The following ZCRB1 variants were observed in gnomAD, a reference collection of about 807,000 sequenced individuals.
The protein encoded by ZCRB1 is zinc finger CCHC-type and RNA-binding motif-containing protein 1.
A neutral mutation model predicts 29.9 loss-of-function variants in ZCRB1; 21 were observed. That is an observed-to-expected ratio of 0.70 (90% CI 0.50 to 1.01). The LOEUF (loss-of-function observed/expected upper bound fraction) is 1.01. Ranked by LOEUF, ZCRB1 falls within the 50% of genes least tolerant of loss-of-function variation. The probability of loss-of-function intolerance (pLI) is 0.00; values close to 1 mark genes in which losing one functional copy is unlikely to be tolerated. For missense variants in ZCRB1, 204 were observed against 253.3 expected, an observed-to-expected ratio of 0.81 and a Z score of 1.32; for synonymous variants, 77 against 80.0, an observed-to-expected ratio of 0.96 and a Z score of 0.20.
chr12:42,314,594 A>G (rs1290522582), intron 5 of ZCRB1, among the ~76,000 whole-genome samples: 1 of 109,446 alleles, frequency 9.1e-6, no homozygotes, highest in Non-Finnish European at 2.0e-5. Flanking sequence ...AAAAAAAAAA[A>G]TCAAAATTTA....
Position 42,317,349 on chromosome 12 carries a change from A to C in ZCRB1, c.324T>G (p.Tyr108Ter), listed in dbSNP as rs773607372. The C allele has an allele frequency of 6.2e-7, 1 of 1,608,490 alleles. No individual in the cohort carries two copies. Among genetic ancestry groups the C allele is most frequent in the Non-Finnish European group, 8.5e-7 (1 of 1,178,066 alleles). Residue 108 changes from tyrosine (Y) to a stop codon, truncating the protein, a stop_gained, in exon 5 of 8, where the codon TAT becomes TAG. Transcript: ENST00000266529. LOFTEE classifies it high-confidence loss of function. ...RRNYFDKSKC[Y>*]ECGESGHLSY... ...TTTTAGGTTTACTTACCCCACATTC[A>C]TAACACTTAGATTTATCAAAGTAGT...
At position 42,313,125 on chromosome 12, in the gene ZCRB1, C is replaced by T; in HGVS notation, c.596G>A (p.Arg199Lys). ...TGTGCTTTTCTTTATCCTTGGGCGT[C>T]TTGAATCATCTGATGTTGAGGGGAC... Reference protein sequence around the residue: ...SGVPSTSDDSRRPRIKKSTYF... With the variant: ...SGVPSTSDDSKRPRIKKSTYF... Residue 199 changes from arginine (R) to lysine (K), a missense_variant, in exon 8 of 8, where the codon AGA becomes AAA. Arg to Lys is a conservative substitution (Grantham distance 26). Transcript: ENST00000266529. The T allele has an allele frequency of 2.5e-6, 4 of 1,612,366 alleles. No homozygotes were observed. Among genetic ancestry groups the T allele is most frequent in the Non-Finnish European group, 3.4e-6 (4 of 1,179,208 alleles).
intron 3 of ZCRB1, 85 bp from the exon 4 acceptor site, chr12:42,317,983 C>A: frequency 9.5e-7 from 1 of 1,050,756 alleles, no homozygotes; most frequent in East Asian, 2.5e-5. Flanking sequence ...TTAAAAAGGG[C>A]TAAAAATTTA....
At chr12:42,316,816 G>T (rs570520358) in intron 5 of ZCRB1, among the ~76,000 whole-genome samples, 88 of 152,282 alleles carry the variant, frequency 5.8e-4, no homozygotes, top group Non-Finnish European at 4.4e-5. Flanking sequence ...GATTTTCAAA[G>T]ATTTAGGAAC....
chr12:42,318,455 C>T (rs987976306), intron 3 of ZCRB1, among the ~76,000 whole-genome samples: 13 of 151,918 alleles, frequency 8.6e-5, no homozygotes, highest in Admixed American at 6.6e-4. Flanking sequence ...ATAATGAGAC[C>T]CCGATCTTTA....
intron 5 of ZCRB1, among the ~76,000 whole-genome samples, chr12:42,316,707 TAAAG>T (rs1565692153): frequency 1.3e-5 from 2 of 152,278 alleles, no homozygotes; most frequent in South Asian, 2.1e-4. Context: ...TAAAAACTGT[TAAAG>T]AAACAGGCAA....
In ZCRB1 at chr12:42,317,798, T is replaced by G. The variant is rs2068601843; in HGVS notation, c.214A>C (p.Asn72His). 7.4e-6 allele frequency: 12 copies of G among 1,612,830 alleles called. No homozygotes were observed. The highest frequency in any genetic ancestry group is 1.0e-5 in the Non-Finnish European group (12 of 1,179,780). The change falls in exon 4 of 8, where the codon AAC (asparagine) becomes CAC (histidine). Residue 72 changes from asparagine to histidine, a missense_variant. Asn to His is a moderately conservative substitution (Grantham distance 68). Transcript: ENST00000266529. ...DSAQNCTRAI[N>H]NKQLFGRVIK... ...GATGAATAGCTTACCTGTTTGTTGT[T>G]TATTGCCCTGGTACAGTTTTGTGCA...
At chr12:42,322,082 GTTAC>G (rs1212104428) in intron 3 of ZCRB1, among the ~76,000 whole-genome samples, 4 of 151,974 alleles carry the variant, frequency 2.6e-5, no homozygotes, top group East Asian at 1.9e-4. Context: ...TTGAAAGTAG[GTTAC>G]TTATAGTATA....
At chr12:42,323,931 A>G in intron 2 of ZCRB1, 88 bp downstream of exon 2, 1 of 1,266,454 alleles carries the variant, frequency 7.9e-7, no homozygotes, top group Non-Finnish European at 1.1e-6. Flanking sequence ...AGAAAAAAAA[A>G]AAAAGGAAAA....
chr12:42,315,336 G>A (rs1446541510), intron 5 of ZCRB1, among the ~76,000 whole-genome samples: 1 of 152,138 alleles, frequency 6.6e-6, no homozygotes, highest in Non-Finnish European at 1.5e-5. Flanking sequence ...ACTGAGCCAA[G>A]GTTAGAACAA....
intron 2 of ZCRB1, chr12:42,323,697 C>A (rs12231113): frequency 1.6e-5 from 4 of 245,692 alleles, no homozygotes; most frequent in Non-Finnish European, 3.1e-5. Context: ...AGTGGTGTGA[C>A]CTTGGCTCAC....
At chr12:42,324,307 C>G (rs1379839101) in intron 1 of ZCRB1, among the ~76,000 whole-genome samples, 1 of 152,152 alleles carries the variant, frequency 6.6e-6, no homozygotes, top group Non-Finnish European at 1.5e-5. Context: ...CACTACCATG[C>G]CTGGCTAATT....
At position 42,313,730 on chromosome 12, in the gene ZCRB1, T is replaced by TCCTC. The variant is rs758076035; in HGVS notation, c.478_481dup (p.Asp161GlyfsTer6). 6.8e-6 allele frequency: 11 copies of TCCTC among 1,613,958 alleles called. No homozygotes were observed. Among genetic ancestry groups the TCCTC allele is most frequent in the Non-Finnish European group, 8.5e-6 (10 of 1,179,952 alleles). ...CTGACTGAGGCTGTCAAGAGCAGGATCCTCCCCTTCATCTTCACTTTCTTC... is the reference window on the plus strand; with the variant it reads ...CTGACTGAGGCTGTCAAGAGCAGGATCCTCCCTCCCCTTCATCTTCACTTTCTTC... On this transcript the variant is annotated frameshift_variant, in exon 7 of 8. Coordinates refer to ENST00000266529, the MANE Select transcript of ZCRB1 (RefSeq NM_033114.4). LOFTEE classifies it high-confidence loss of function.
chr12:42,314,582 C>CA (rs112388905), intron 5 of ZCRB1, among the ~76,000 whole-genome samples: 22,004 of 129,318 alleles, frequency 0.17, 2,648 homozygotes, highest in African/African-American at 0.36. Context: ...AACTCCGTCT[C>CA]AAAAAAAAAA....
At chr12:42,322,686 A>C (rs950709228) in intron 2 of ZCRB1, among the ~76,000 whole-genome samples, 8 of 152,190 alleles carry the variant, frequency 5.3e-5, no homozygotes, top group Admixed American at 2.6e-4. Flanking sequence ...CAGAGAAAAA[A>C]ACTCACTCTA....
chr12:42,324,157 TTG>T, intron 1 of ZCRB1, 53 bp from the exon 2 acceptor site: 9 of 1,516,484 alleles, frequency 5.9e-6, no homozygotes, highest in East Asian at 2.3e-5. Flanking sequence ...GATTCTTTTT[TTG>T]TTGTTTGAGA....
Position 42,317,906 on chromosome 12 carries a change from C to T in ZCRB1, c.114-8G>A, listed in dbSNP as rs1362833282. The T allele has an allele frequency of 5.0e-6, 8 of 1,600,308 alleles. No homozygotes were observed. Among genetic ancestry groups the T allele is most frequent in the Non-Finnish European group, 6.0e-6 (7 of 1,172,774 alleles). On this transcript the variant is annotated splice_region_variant and splice_polypyrimidine_tract_variant and intron_variant, in intron 3 of 7. Transcript: ENST00000266529. ...TCTTTCATGATGGTAACCCTTAAAG[C>T]ATAAACAAAGAGTTAAAAATGAGGC...
At chr12:42,320,161 A>C (rs922161815) in intron 3 of ZCRB1, among the ~76,000 whole-genome samples, 3 of 152,244 alleles carry the variant, frequency 2.0e-5, no homozygotes, top group African/African-American at 4.8e-5. Context: ...GTACTTATTT[A>C]AGCACATAAT....
At chr12:42,322,020 G>A (rs1020221978) in intron 3 of ZCRB1, among the ~76,000 whole-genome samples, 4 of 151,782 alleles carry the variant, frequency 2.6e-5, no homozygotes, top group Non-Finnish European at 5.9e-5. Context: ...TGAAATATTT[G>A]TTTTTACACT....
Sources: gnomAD v4.1 joint callset for allele counts (sites outside exome capture counted in the v4.1 genomes callset) on GRCh38, gnomAD v4.1.1 for gene constraint, MANE v1.5 for transcripts, NCBI Gene and HGNC (gene_info 2026-07-23, HGNC 2026-07-21) for gene names.